The following PLEKHG3 variants were observed in gnomAD, a reference collection of about 807,000 sequenced individuals.
PLEKHG3 encodes the protein pleckstrin homology and RhoGEF domain containing G3.
Under a neutral mutation model 94.9 loss-of-function variants are expected in PLEKHG3, and 62 were observed. The ratio of observed to expected loss-of-function variants is 0.65; its 90% CI spans 0.53 to 0.81. The LOEUF is 0.81. Ranked by LOEUF, PLEKHG3 falls within the 30% of genes least tolerant of loss-of-function variation. PLEKHG3 has a pLI of 0.00. For synonymous variants in PLEKHG3, 614 were observed against 654.0 expected (o/e 0.94, Z 0.93); for missense variants, 1,461 against 1,619.3 (o/e 0.90, Z 1.68).
chr14:64,738,720 T>C lies in PLEKHG3; in HGVS notation c.1405-22T>C. On this transcript the variant is annotated intron_variant, in intron 14 of 16. Coordinates refer to ENST00000247226, the MANE Select transcript of PLEKHG3 (RefSeq NM_001308147.2). This position sits in a 1 kb window ranked among gnomAD's most constrained non-coding sequence, Gnocchi z 4.8. ...CAGCTTCCAGTTGTCTTGGAGTTGA[T>C]GACTGACCTCTACCTCTGCAGGGAA... 6.6e-7 allele frequency: 1 copy of C among 1,507,210 alleles called. No individual in the cohort carries two copies. The highest frequency in any genetic ancestry group is 9.1e-7 in the Non-Finnish European group (1 of 1,103,450). 93.4% of individuals were successfully genotyped at this position (1,507,210 alleles called of 1,614,324 possible).
In PLEKHG3 at chr14:64,730,548, A is replaced by C; in HGVS notation, c.520-94A>C. 9.8e-7 allele frequency: 1 copy of C among 1,021,414 alleles called. No homozygotes were observed. Among genetic ancestry groups the C allele is most frequent in the Non-Finnish European group, 1.5e-6 (1 of 653,508 alleles). The allele number at this position is 1,021,414 out of a possible 1,614,324, so 63.3% of individuals were successfully genotyped here. A position where few individuals can be genotyped will look rare whatever the true frequency, so the allele number is the denominator to read the frequency against. On this transcript the variant is annotated intron_variant, in intron 4 of 16. Coordinates refer to ENST00000247226, the MANE Select transcript of PLEKHG3 (RefSeq NM_001308147.2). The surrounding 1 kb of genome is among the most constrained non-coding windows in gnomAD (Gnocchi z 5.4). ...GTAGGCATTTGGGAACAGGGGACAG[A>C]GGGTGCTCTGGGGGCCAGGGGCCTA...
In PLEKHG3 at chr14:64,725,279, G is replaced by A. The variant is rs147750133; in HGVS notation, c.-39-2314G>A. On this transcript the variant is annotated intron_variant, in intron 1 of 16. Coordinates refer to ENST00000247226, the MANE Select transcript of PLEKHG3 (RefSeq NM_001308147.2). This position sits in a 1 kb window ranked among gnomAD's most constrained non-coding sequence, Gnocchi z 5.0. ...GTGAAATCCATTTGGGAGTGGGGCC[G>A]TTTCCATTTAGCTTCCCCAGAGAAG... is the stretch of plus-strand genomic sequence containing the variant. Among the ~76,000 whole-genome samples the A allele has an allele frequency of 7.2e-4, 109 of 150,518 alleles. No homozygotes were observed. Among genetic ancestry groups the A allele is most frequent in the South Asian group, 4.9e-3 (23 of 4,708 alleles).
At chr14:64,710,456 G>A (rs975633595) in intron 1 of PLEKHG3, among the ~76,000 whole-genome samples, 2 of 152,194 alleles carry the variant, frequency 1.3e-5, no homozygotes, top group African/African-American at 4.8e-5. Context: ...GATCACCTGA[G>A]GTCGGGAGTT....
intron 12 of PLEKHG3, among the ~76,000 whole-genome samples, chr14:64,733,970 G>A (rs2081523333): frequency 1.3e-5 from 2 of 152,194 alleles, no homozygotes; most frequent in Admixed American, 1.3e-4. Context: ...TTAAGACCCT[G>A]GGAGAGAAGG....
Position 64,738,193 on chromosome 14 carries a change from C to G in PLEKHG3, c.1405-549C>G. 7.8e-7 allele frequency: 1 copy of G among 1,289,892 alleles called. No individual in the cohort carries two copies. 79.9% of individuals were successfully genotyped at this position (1,289,892 alleles called of 1,614,324 possible). On this transcript the variant is annotated intron_variant, in intron 14 of 16. Transcript: ENST00000247226. The surrounding 1 kb of genome is among the most constrained non-coding windows in gnomAD (Gnocchi z 4.8). ...GCCCTCCACTGCTGGCACTATCGGG[C>G]CAACGCTTTACTTTTCTCCCGGGGC...
At position 64,742,952 on chromosome 14, in the gene PLEKHG3, T is replaced by A. The variant is rs764756681; in HGVS notation, c.2939-30T>A. On this transcript the variant is annotated intron_variant, in intron 16 of 16. Transcript: ENST00000247226. ...CTTGCAGCTCTGCCCTCCCGCCCCA[T>A]GCTTCAGGCAGCTTGCTCTCTCCTC... is the stretch of plus-strand genomic sequence containing the variant. 4.3e-6 allele frequency: 7 copies of A among 1,612,186 alleles called. No individual in the cohort carries two copies. In the African/African-American group the frequency reaches 9.3e-5, roughly 22 times the overall value.
rs764314389 is a variant in PLEKHG3, at chr14:64,749,357, G to A, written c.*5654G>A. The A allele has an allele frequency of 5.0e-6, 8 of 1,610,574 alleles. No homozygotes were observed. Among genetic ancestry groups the A allele is most frequent in the African/African-American group, 1.3e-5 (1 of 74,930 alleles). ...ATCTCTTCTCCTTGTCTTTCTTGCC[G>A]AGGCTGGCGTCGGGGCCGGAGAGGG... On this transcript the variant is annotated 3_prime_UTR_variant, in exon 17 of 17. Transcript: ENST00000247226. The surrounding 1 kb of genome is among the most constrained non-coding windows in gnomAD (Gnocchi z 4.7).
In PLEKHG3 at chr14:64,732,555, C is replaced by A; in HGVS notation, c.1246+95C>A. The A allele has an allele frequency of 1.7e-6, 2 of 1,172,584 alleles. No homozygotes were observed. Among genetic ancestry groups the A allele is most frequent in the Non-Finnish European group, 2.6e-6 (2 of 780,380 alleles). The allele number at this position is 1,172,584 out of a possible 1,614,324, so 72.6% of individuals were successfully genotyped here. On this transcript the variant is annotated intron_variant, in intron 11 of 16. Coordinates refer to ENST00000247226, the MANE Select transcript of PLEKHG3 (RefSeq NM_001308147.2). This position sits in a 1 kb window ranked among gnomAD's most constrained non-coding sequence, Gnocchi z 4.9. ...GAAGCTTTACCTGATAATTTTATTC[C>A]AGGAGCAGGGAGGGCGGGGGTCTCC...
At position 64,749,010 on chromosome 14, in the gene PLEKHG3, GGCGTGT is replaced by G; in HGVS notation, c.*5310_*5315del. The G allele has an allele frequency of 3.0e-6, 1 of 328,756 alleles. No homozygotes were observed. Among genetic ancestry groups the G allele is most frequent in the South Asian group, 3.3e-5 (1 of 30,118 alleles). 20.4% of individuals were successfully genotyped at this position (328,756 alleles called of 1,614,324 possible). ...GCTCAGGAGGAGGGTGGGAGAGGAG[GGCGTGT>G]GCCTCAGAGAACCGTTTCCTGCCCC... On this transcript the variant is annotated 3_prime_UTR_variant, in exon 17 of 17. Transcript: ENST00000247226. This position sits in a 1 kb window ranked among gnomAD's most constrained non-coding sequence, Gnocchi z 4.7.
In PLEKHG3 at chr14:64,741,933, G is replaced by A. The variant is rs748050454; in HGVS notation, c.2416G>A (p.Ala806Thr). The A allele has an allele frequency of 6.3e-6, 10 of 1,584,850 alleles. No homozygotes were observed. Among genetic ancestry groups the A allele is most frequent in the Non-Finnish European group, 8.6e-6 (10 of 1,167,280 alleles). ...VKGDPPPISD[A>T]EFRPSSEIVK... ...AGGGGACCCACCTCCCATCTCAGATGCTGAGTTCCGCCCATCTTCAGAAAT... is the reference window on the plus strand; with the variant it reads ...AGGGGACCCACCTCCCATCTCAGATACTGAGTTCCGCCCATCTTCAGAAAT... The change falls in exon 16 of 17, where the codon GCT becomes ACT. Residue 806 changes from alanine (A) to threonine (T), a missense_variant. Physicochemically the swap from Ala to Thr is moderately conservative, Grantham distance 58. This residue lies in a region of PLEKHG3 where 1,201 missense variants were observed against 1,295.5 expected (regional missense o/e 0.93). Coordinates refer to ENST00000247226, the MANE Select transcript of PLEKHG3 (RefSeq NM_001308147.2).
Position 64,729,084 on chromosome 14 carries a change from C to A in PLEKHG3, c.440C>A (p.Ala147Glu). The stretch of plus-strand genomic sequence containing the variant: ...TTTGGGAACATAGAAAATATCTACG[C>A]GCTGAACAGGTGTGTGAATGGGCCT... ...ALFGNIENIY[A>E]LNSQLLRDLD... The change falls in exon 3 of 17, where the codon GCG becomes GAG. Residue 147 changes from alanine (A) to glutamate (E), a missense_variant. Physicochemically the swap from Ala to Glu is moderately radical, Grantham distance 107. Coordinates refer to ENST00000247226, the MANE Select transcript of PLEKHG3 (RefSeq NM_001308147.2). 6.8e-7 allele frequency: 1 copy of A among 1,478,374 alleles called. No homozygotes were observed. The highest frequency in any genetic ancestry group is 9.1e-7 in the Non-Finnish European group (1 of 1,095,002). 91.6% of individuals were successfully genotyped at this position (1,478,374 alleles called of 1,614,324 possible). A position where few individuals can be genotyped will look rare whatever the true frequency, so the allele number is the denominator to read the frequency against.
rs115521752 is a variant in PLEKHG3, at chr14:64,718,992, G to T, written c.-39-8601G>T. On this transcript the variant is annotated intron_variant, in intron 1 of 16. Transcript: ENST00000247226. The surrounding 1 kb of genome is among the most constrained non-coding windows in gnomAD (Gnocchi z 5.0). The stretch of plus-strand genomic sequence containing the variant: ...ATGCCGTCTCTCCGTGTGGATCCCA[G>T]AGGAATGCGCCTCTGGGATCTGCTA... Among the ~76,000 whole-genome samples the T allele has an allele frequency of 8.5e-3, 1,291 of 152,278 alleles. 17 individuals carry two copies. Among genetic ancestry groups the T allele is most frequent in the African/African-American group, 0.03 (1,227 of 41,548 alleles).
At chr14:64,729,475 C>A (rs1307983755) in intron 3 of PLEKHG3, among the ~76,000 whole-genome samples, 2 of 152,142 alleles carry the variant, frequency 1.3e-5, no homozygotes, top group Non-Finnish European at 2.9e-5. Flanking sequence ...CCAAGGGCTC[C>A]CTGGAGATGA....
At position 64,704,752 on chromosome 14, in the gene PLEKHG3, A is replaced by G; in HGVS notation, c.-40+48A>G. The G allele has an allele frequency of 6.6e-6, 1 of 152,298 alleles. No homozygotes were observed. Among genetic ancestry groups the G allele is most frequent in the Non-Finnish European group, 1.5e-5 (1 of 68,142 alleles). The allele number at this position is 152,298 out of a possible 1,614,324, so 9.4% of individuals were successfully genotyped here. A position where few individuals can be genotyped will look rare whatever the true frequency, so the allele number is the denominator to read the frequency against. On this transcript the variant is annotated intron_variant, in intron 1 of 16. Coordinates refer to ENST00000247226, the MANE Select transcript of PLEKHG3 (RefSeq NM_001308147.2). The surrounding 1 kb of genome is among the most constrained non-coding windows in gnomAD (Gnocchi z 5.6). Reference sequence around the variant, plus strand: ...CTCTCCCCTCTTATCTCCCTGCATTAGGCTGAGCGGCGGTGCCGGCAGTCA... The same window carrying G: ...CTCTCCCCTCTTATCTCCCTGCATTGGGCTGAGCGGCGGTGCCGGCAGTCA...
chr14:64,743,221 C>T lies in PLEKHG3; in HGVS notation c.3178C>T (p.Arg1060Cys), dbSNP rs763397238. Residue 1060 changes from arginine to cysteine, a missense_variant, in exon 17 of 17, where the codon CGC (arginine) becomes TGC (cysteine). Around this residue, in one of 3 missense-constraint regions of PLEKHG3, gnomAD observed 1,201 missense variants for 1,295.5 expected, o/e 0.93. Coordinates refer to ENST00000247226, the MANE Select transcript of PLEKHG3 (RefSeq NM_001308147.2). This position sits in a 1 kb window ranked among gnomAD's most constrained non-coding sequence, Gnocchi z 7.2. ...VRELCSKYAS[R>C]DEARRAGGGR... ...TGAGCTCTGCTCCAAGTATGCCTCC[C>T]GCGATGAGGCACGCCGAGCAGGGGG... is the stretch of plus-strand genomic sequence containing the variant. The T allele has an allele frequency of 1.4e-5, 22 of 1,608,806 alleles. No individual in the cohort carries two copies. Among genetic ancestry groups the T allele is most frequent in the African/African-American group, 8.0e-5 (6 of 74,880 alleles).
At chr14:64,705,566 C>T (rs2080958069) in intron 1 of PLEKHG3, among the ~76,000 whole-genome samples, 1 of 152,080 alleles carries the variant, frequency 6.6e-6, no homozygotes, top group Admixed American at 6.5e-5. Context: ...AGCAGGAGAC[C>T]CACACTGCGT....
rs1428375584 is a variant in PLEKHG3, at chr14:64,728,526, A to G, written c.352-470A>G. On this transcript the variant is annotated intron_variant, in intron 2 of 16. Coordinates refer to ENST00000247226, the MANE Select transcript of PLEKHG3 (RefSeq NM_001308147.2). The surrounding 1 kb of genome is among the most constrained non-coding windows in gnomAD (Gnocchi z 5.9). ...CAGCAAATGTGTTCTCACTCAGTTC[A>G]GGAGGCCAGAAGTCCAAAAATCAAT... Among the ~76,000 whole-genome samples, 1 of 152,236 alleles carries G rather than the reference A, an allele frequency of 6.6e-6. No individual in the cohort carries two copies. Among genetic ancestry groups the G allele is most frequent in the African/African-American group, 2.4e-5 (1 of 41,460 alleles).
Position 64,741,788 on chromosome 14 carries a change from C to T in PLEKHG3, c.2271C>T (p.Phe757=), listed in dbSNP as rs139893245. The part of the protein sequence containing the change: ...KGLVRNSISR[F]NSLPRPDPEP... ...TGGTAAGAAACTCCATCTCCAGGTT[C>T]AACAGCCTTCCCCGGCCAGACCCAG... Residue 757 remains phenylalanine (F), a synonymous_variant, in exon 16 of 17, where the codon TTC becomes TTT. Transcript: ENST00000247226. 39 of 1,613,494 alleles carry T rather than the reference C, an allele frequency of 2.4e-5. No homozygotes were observed. In the African/African-American group the frequency reaches 4.9e-4, roughly 20 times the overall value.
Position 64,749,451 on chromosome 14 carries a change from T to G in PLEKHG3, c.*5748T>G. On this transcript the variant is annotated 3_prime_UTR_variant, in exon 17 of 17. Coordinates refer to ENST00000247226, the MANE Select transcript of PLEKHG3 (RefSeq NM_001308147.2). This position sits in a 1 kb window ranked among gnomAD's most constrained non-coding sequence, Gnocchi z 4.7. ...CTCGTTGATGGCGGTGCTCACGCCCTGCAGCCAGGACAGCATCTCCTCCTG... is the reference window on the plus strand; with the variant it reads ...CTCGTTGATGGCGGTGCTCACGCCCGGCAGCCAGGACAGCATCTCCTCCTG... 1 of 1,602,066 alleles carries G rather than the reference T, an allele frequency of 6.2e-7. No homozygotes were observed. Among genetic ancestry groups the G allele is most frequent in the Non-Finnish European group, 8.5e-7 (1 of 1,178,560 alleles).
Sources: allele counts gnomAD v4.1 joint callset (sites outside exome capture counted in the v4.1 genomes callset), GRCh38; gene constraint gnomAD v4.1.1; regional missense constraint gnomAD v4.1.1; non-coding constraint Gnocchi (gnomAD v3.1); transcripts MANE v1.5; gene names NCBI Gene and HGNC (gene_info 2026-07-23, HGNC 2026-07-21).